SOX5: variants seen among roughly 807,000 people sequenced by gnomAD.
The protein encoded by SOX5 is SRY-box transcription factor 5.
A neutral mutation model predicts 92.0 loss-of-function variants in SOX5; 9 were observed. The ratio of observed to expected loss-of-function variants is 0.10; its 90% CI spans 0.06 to 0.17. The LOEUF (loss-of-function observed/expected upper bound fraction) is 0.17. Ranked by LOEUF, SOX5 falls within the 10% of genes least tolerant of loss-of-function variation. The pLI is 1.00. For synonymous variants in SOX5, 344 were observed against 336.3 expected (o/e 1.02, Z -0.25); for missense variants, 642 against 944.5 (o/e 0.68, Z 4.20).
chr12:23,533,543 C>G lies in SOX5; in HGVS notation c.*676G>C, dbSNP rs1447867474. On this transcript the variant is annotated 3_prime_UTR_variant, in exon 15 of 15. Transcript: ENST00000451604. ...TAGTGTGGTGTGCAATAGATAAAGT[C>G]CTCTAAAGAAAATAATTGCTTATTT... 1 of 155,920 alleles carries G rather than the reference C, an allele frequency of 6.4e-6. No individual in the cohort carries two copies. The highest frequency in any genetic ancestry group is 1.4e-5 in the Non-Finnish European group (1 of 70,236). The allele number at this position is 155,920 out of a possible 1,614,324, so 9.7% of individuals were successfully genotyped here.
At chr12:24,120,836 T>G (rs755337767) in intron 4 of SOX5, among the ~76,000 whole-genome samples, 3 of 152,326 alleles carry the variant, frequency 2.0e-5, no homozygotes, top group South Asian at 2.1e-4. Context: ...GGATAAACGT[T>G]GAAAAACTGA....
intron 3 of SOX5, among the ~76,000 whole-genome samples, chr12:23,777,874 T>A (rs1235752131): frequency 1.3e-5 from 2 of 152,226 alleles, no homozygotes; most frequent in Non-Finnish European, 2.9e-5. Context: ...AGAGATGAGA[T>A]TGCTATTCCC....
chr12:24,292,414 T>C lies in SOX5; in HGVS notation c.-173-15102A>G, dbSNP rs1946715725. Among the ~76,000 whole-genome samples, 5 of 152,194 alleles carry C rather than the reference T, an allele frequency of 3.3e-5. No individual in the cohort carries two copies. The South Asian group carries it at 1.0e-3, about 32-fold the overall frequency. ...AATGCTTTTCAATATTTAAAAAATA[T>C]CTAAAATGTGATTTATTCATCATAG... On this transcript the variant is annotated intron_variant, in intron 2 of 4. Transcript: ENST00000446891.
chr12:24,549,797 C>G (rs2138928273), intron 1 of SOX5, among the ~76,000 whole-genome samples: 1 of 152,146 alleles, frequency 6.6e-6, no homozygotes, highest in South Asian at 2.1e-4. Context: ...TGTGTGGTAC[C>G]CAGGCACTCT....
intron 7 of SOX5, among the ~76,000 whole-genome samples, chr12:23,658,625 G>A (rs1324653834): frequency 1.3e-5 from 2 of 152,164 alleles, no homozygotes; most frequent in Non-Finnish European, 2.9e-5. Flanking sequence ...GGGCATGGTG[G>A]CTCATGCCTT....
intron 2 of SOX5, among the ~76,000 whole-genome samples, chr12:23,872,509 T>C (rs186411555): frequency 6.6e-6 from 1 of 152,304 alleles, no homozygotes; most frequent in Non-Finnish European, 1.5e-5. Context: ...TATGGTTTGA[T>C]ATGAGATAAA....
At chr12:24,401,861 A>C (rs867460353) in intron 1 of SOX5, among the ~76,000 whole-genome samples, 5 of 152,168 alleles carry the variant, frequency 3.3e-5, no homozygotes, top group African/African-American at 9.7e-5. Context: ...CAGCTGGTCT[A>C]AATCTGATCT....
intron 9 of SOX5, among the ~76,000 whole-genome samples, chr12:23,602,875 C>T (rs2074688237): frequency 6.6e-6 from 1 of 152,004 alleles, no homozygotes; most frequent in Admixed American, 6.6e-5. Flanking sequence ...TAAAAACTTA[C>T]ATGCTGTTGT....
At chr12:24,531,866 T>G (rs1951224433) in intron 1 of SOX5, among the ~76,000 whole-genome samples, 1 of 152,180 alleles carries the variant, frequency 6.6e-6, no homozygotes, top group Non-Finnish European at 1.5e-5. Context: ...CGCCTCAGGC[T>G]CTATGGCAGC....
intron 1 of SOX5, among the ~76,000 whole-genome samples, chr12:23,925,167 C>A (rs940074656): frequency 6.6e-6 from 1 of 152,094 alleles, no homozygotes; most frequent in African/African-American, 2.4e-5. Context: ...ATTATGACCT[C>A]ATAAATCAGT....
At chr12:23,807,419 T>C (rs2142320759) in intron 3 of SOX5, among the ~76,000 whole-genome samples, 1 of 152,200 alleles carries the variant, frequency 6.6e-6, no homozygotes, top group South Asian at 2.1e-4. Context: ...AAGGTGGCCA[T>C]TTGAAGACTC....
intron 1 of SOX5, among the ~76,000 whole-genome samples, chr12:23,914,557 C>T (rs1414876927): frequency 6.6e-6 from 1 of 152,008 alleles, no homozygotes; most frequent in Non-Finnish European, 1.5e-5. Context: ...AGGGAAGAGG[C>T]ACAGACATTT....
intron 4 of SOX5, among the ~76,000 whole-genome samples, chr12:24,190,485 T>C (rs923189487): frequency 6.6e-6 from 1 of 152,206 alleles, no homozygotes; most frequent in African/African-American, 2.4e-5. Context: ...TCCTATATGA[T>C]GGAACTGTGG....
At chr12:24,010,039 T>C (rs371643910) in intron 4 of SOX5, among the ~76,000 whole-genome samples, 41 of 152,314 alleles carry the variant, frequency 2.7e-4, no homozygotes, top group African/African-American at 8.9e-4. Context: ...CACCCAAATC[T>C]AGTCCAAGCT....
At chr12:24,269,324 A>T (rs1430060106) in intron 3 of SOX5, among the ~76,000 whole-genome samples, 1 of 152,248 alleles carries the variant, frequency 6.6e-6, no homozygotes, top group Admixed American at 6.5e-5. Context: ...GCAAATAACT[A>T]TAAATGCAGT....
chr12:24,324,367 C>A (rs946320719), intron 2 of SOX5, among the ~76,000 whole-genome samples: 1 of 152,078 alleles, frequency 6.6e-6, no homozygotes, highest in Non-Finnish European at 1.5e-5. Flanking sequence ...CCAAGACAAG[C>A]TATCTTCTGT....
chr12:23,861,207 C>A (rs2136422927), intron 2 of SOX5, among the ~76,000 whole-genome samples: 1 of 152,144 alleles, frequency 6.6e-6, no homozygotes, highest in East Asian at 1.9e-4. Context: ...ACGCTGAGTT[C>A]TTGGTGCTGT....
rs75064992 is a variant in SOX5 at position 24,445,286 on chromosome 12, C to A, written c.-250-76647G>T. 3.0e-3 allele frequency among the ~76,000 whole-genome samples: 453 copies of A among 152,220 alleles called. 1 individual carries two copies. The highest frequency in any genetic ancestry group is 0.01 in the African/African-American group (435 of 41,512). ...TCTAATGAATGCACACTCCTTAACA[C>A]GTTAAAACATTATGCTTGTTTGAGA... is the stretch of plus-strand genomic sequence containing the variant. On this transcript the variant is annotated intron_variant, in intron 1 of 4. Transcript: ENST00000446891.
At chr12:24,491,109 C>T (rs1264212269) in intron 1 of SOX5, among the ~76,000 whole-genome samples, 1 of 152,002 alleles carries the variant, frequency 6.6e-6, no homozygotes, top group East Asian at 1.9e-4. Context: ...AGGGTGGCTG[C>T]CTGGGTGGTA....
Sources: allele counts gnomAD v4.1 joint callset (sites outside exome capture counted in the v4.1 genomes callset), GRCh38; gene constraint gnomAD v4.1.1; transcripts MANE v1.5; gene names NCBI Gene and HGNC (gene_info 2026-07-23, HGNC 2026-07-21).